Variants in CELF5 observed in about 807,000 individuals in gnomAD.
CELF5 encodes the protein CUGBP Elav-like family member 5.
In CELF5, 6 loss-of-function variants were observed where a neutral mutation model predicts 54.9. That is an observed-to-expected ratio of 0.11 (90% CI 0.06 to 0.22). CELF5 has a LOEUF of 0.22. Among genes scored for constraint, CELF5 ranks in the 10% least tolerant of loss-of-function variants. The probability of loss-of-function intolerance (pLI) is 1.00; values close to 1 mark genes in which losing one functional copy is unlikely to be tolerated. For synonymous variants in CELF5, 271 were observed against 290.9 expected (o/e 0.93, Z 0.70); for missense variants, 401 against 678.6 (o/e 0.59, Z 4.54).
Position 3,268,458 on chromosome 19 carries a change from C to T in CELF5, c.343-5414C>T, listed in dbSNP as rs1018980936. On this transcript the variant is annotated intron_variant, in intron 2 of 12. Transcript: ENST00000292672. The surrounding 1 kb of genome is among the most constrained non-coding windows in gnomAD (Gnocchi z 4.4). ...CGTCAAGCTGCGAGACTCGGGGCGT[C>T]GTGTCATCTTTCTGGGCCTGTGCAG... 6.6e-6 allele frequency among the ~76,000 whole-genome samples: 1 copy of T among 152,142 alleles called. No individual in the cohort carries two copies. The highest frequency in any genetic ancestry group is 1.5e-5 in the Non-Finnish European group (1 of 68,036).
chr19:3,239,745 G>A (rs2079465312), intron 1 of CELF5, among the ~76,000 whole-genome samples: 1 of 150,440 alleles, frequency 6.6e-6, no homozygotes, highest in Admixed American at 6.6e-5. Context: ...TTGTCCCCAT[G>A]GCCCTCTGGG....
chr19:3,274,578 T>C (rs1599457409), intron 3 of CELF5, among the ~76,000 whole-genome samples: 1 of 152,112 alleles, frequency 6.6e-6, no homozygotes, highest in African/African-American at 2.4e-5. Context: ...CTGGGGCCAG[T>C]GTTGTCTGTG....
intron 1 of CELF5, among the ~76,000 whole-genome samples, chr19:3,242,804 TA>T (rs71339019): frequency 1.1e-4 from 17 of 149,148 alleles, no homozygotes; most frequent in Admixed American, 5.4e-4. Context: ...AGACTCTATC[TA>T]AAAAAAAAAT....
chr19:3,248,922 CTTTCTTTTCT>C (rs574151142), intron 1 of CELF5, among the ~76,000 whole-genome samples: 5 of 119,144 alleles, frequency 4.2e-5, no homozygotes, highest in Admixed American at 9.8e-5. Context: ...TTCTTTCTTT[CTTTCTTTTCT>C]TTTCTTTTCT....
At chr19:3,264,783 CT>C (rs912867911) in intron 2 of CELF5, among the ~76,000 whole-genome samples, 90 of 150,182 alleles carry the variant, frequency 6.0e-4, no homozygotes, top group African/African-American at 2.1e-3. Context: ...GTAGCGTGAT[CT>C]TGGCTCACTG....
chr19:3,263,655 C>G (rs1047097874), intron 2 of CELF5, among the ~76,000 whole-genome samples: 2 of 151,806 alleles, frequency 1.3e-5, no homozygotes, highest in African/African-American at 4.8e-5. Context: ...CTGTAATCCC[C>G]GCACTTTGGG....
chr19:3,243,469 A>G (rs946694779), intron 1 of CELF5, among the ~76,000 whole-genome samples: 1 of 152,048 alleles, frequency 6.6e-6, no homozygotes, highest in East Asian at 1.9e-4. Context: ...ATTTGCAGAG[A>G]TGGAATTTGA....
At chr19:3,262,861 C>T (rs1249404048) in intron 2 of CELF5, among the ~76,000 whole-genome samples, 3 of 151,994 alleles carry the variant, frequency 2.0e-5, no homozygotes, top group South Asian at 2.1e-4. Context: ...ATCACTTGAA[C>T]TCAGGAGGTG....
rs568689734 is a variant in CELF5 at position 3,266,426 on chromosome 19, A to T, written c.343-7446A>T. Among the ~76,000 whole-genome samples, 1,012 of 143,436 alleles carry T rather than the reference A, an allele frequency of 7.1e-3. 13 individuals carry two copies. The highest frequency in any genetic ancestry group is 0.024 in the African/African-American group (972 of 39,698). 94.1% of individuals were successfully genotyped at this position (143,436 alleles called of 152,430 possible). ...TGACAGAGTGAGACCCAGTACAAAC[A>T]AAAAAAAAAAAAGAAGAAGAAGAGG... On this transcript the variant is annotated intron_variant, in intron 2 of 12. Coordinates refer to ENST00000292672, the MANE Select transcript of CELF5 (RefSeq NM_021938.4).
intron 5 of CELF5, among the ~76,000 whole-genome samples, chr19:3,280,809 A>T (rs1372449338): frequency 6.6e-6 from 1 of 151,982 alleles, no homozygotes; most frequent in African/African-American, 2.4e-5. Flanking sequence ...ACCTGAGCCC[A>T]CTGTTTTCCT....
intron 1 of CELF5, chr19:3,225,541 G>C: frequency 1.0e-6 from 1 of 959,438 alleles, no homozygotes; most frequent in Non-Finnish European, 1.2e-6. Flanking sequence ...CCATTGCTTT[G>C]GTTATTTTCA....
At chr19:3,253,157 G>T (rs1240215930) in intron 2 of CELF5, among the ~76,000 whole-genome samples, 1 of 151,594 alleles carries the variant, frequency 6.6e-6, no homozygotes, top group African/African-American at 2.4e-5. Flanking sequence ...AAACCAACCA[G>T]AAGCTGGAGG....
chr19:3,228,183 C>T lies in CELF5; in HGVS notation c.259+3185C>T, dbSNP rs539027552. On this transcript the variant is annotated intron_variant, in intron 1 of 12. Transcript: ENST00000292672. The surrounding 1 kb of genome is among the most constrained non-coding windows in gnomAD (Gnocchi z 6.0). The stretch of plus-strand genomic sequence containing the variant: ...GCAGGGAAAGAGAGACAGAGAGACC[C>T]ACAGAGAGACAGAGACAGAGAAACA... 5.3e-5 allele frequency among the ~76,000 whole-genome samples: 8 copies of T among 152,072 alleles called. No individual in the cohort carries two copies. Among genetic ancestry groups the T allele is most frequent in the African/African-American group, 2.4e-5 (1 of 41,490 alleles).
chr19:3,282,584 C>T lies in CELF5; in HGVS notation c.1039+86C>T, dbSNP rs148818708. On this transcript the variant is annotated intron_variant, in intron 8 of 12. Transcript: ENST00000292672. This position sits in a 1 kb window ranked among gnomAD's most constrained non-coding sequence, Gnocchi z 5.2. The stretch of plus-strand genomic sequence containing the variant: ...GGAACAAGTATGAGTCCCTACATCA[C>T]AGTGCCCAGGGAACAGAAGGGCAGG... 5 of 1,452,516 alleles carry T rather than the reference C, an allele frequency of 3.4e-6. No homozygotes were observed. The East Asian group carries it at 1.1e-4, about 33-fold the overall frequency. The allele number at this position is 1,452,516 out of a possible 1,614,324, so 90.0% of individuals were successfully genotyped here.
intron 2 of CELF5, among the ~76,000 whole-genome samples, chr19:3,266,248 T>G (rs993859532): frequency 2.0e-5 from 3 of 152,064 alleles, no homozygotes; most frequent in African/African-American, 7.2e-5. Context: ...TAAACGGACA[T>G]GGCACCCCGG....
chr19:3,277,794 T>G (rs1485739222), intron 4 of CELF5, among the ~76,000 whole-genome samples: 1 of 152,180 alleles, frequency 6.6e-6, no homozygotes, highest in African/African-American at 2.4e-5. Context: ...TGACCAGGTC[T>G]TTGTCTAACT....
At position 3,293,419 on chromosome 19, in the gene CELF5, G is replaced by T. The variant is rs747018949; in HGVS notation, c.1431G>T (p.Arg477=). The change falls in exon 12 of 13, where the codon CGG becomes CGT. Residue 477 remains arginine, a synonymous_variant. Transcript: ENST00000292672. ...GMKRLKVQLK[R]PKDPGHPY is the part of the protein sequence containing the mutation. ...AGAGGCTCAAAGTCCAGCTGAAGCG[G>T]CCCAAAGACCCGGGACACCCCTACT... is the stretch of plus-strand genomic sequence containing the variant. The T allele has an allele frequency of 6.2e-7, 1 of 1,614,098 alleles. No individual in the cohort carries two copies. The highest frequency in any genetic ancestry group is 1.1e-5 in the South Asian group (1 of 91,086).
chr19:3,264,803 G>A (rs186472984), intron 2 of CELF5, among the ~76,000 whole-genome samples: 2 of 151,214 alleles, frequency 1.3e-5, no homozygotes, highest in Admixed American at 1.3e-4. Flanking sequence ...TGCAACCTCT[G>A]CCTCCCTGAT....
At chr19:3,289,189 C>G (rs2080300683) in intron 10 of CELF5, among the ~76,000 whole-genome samples, 1 of 152,126 alleles carries the variant, frequency 6.6e-6, no homozygotes, top group Non-Finnish European at 1.5e-5. Flanking sequence ...TCTGCATCAT[C>G]TGAGTTTTGA....
Sources: gnomAD v4.1 joint callset for allele counts (sites outside exome capture counted in the v4.1 genomes callset) on GRCh38, gnomAD v4.1.1 for gene constraint, Gnocchi (gnomAD v3.1) non-coding constraint, MANE v1.5 for transcripts, NCBI Gene and HGNC (gene_info 2026-07-23, HGNC 2026-07-21) for gene names.